ASRGL1: variants seen among roughly 807,000 people sequenced by gnomAD.
ASRGL1 encodes the protein isoaspartyl peptidase/L-asparaginase.
A neutral mutation model predicts 22.4 loss-of-function variants in ASRGL1; 16 were observed. That is an observed-to-expected ratio of 0.71 (90% confidence interval 0.48 to 1.08). ASRGL1 has a LOEUF of 1.08. Among genes scored for constraint, ASRGL1 ranks in the 50% least tolerant of loss-of-function variants. The pLI, the probability that ASRGL1 is intolerant of heterozygous loss-of-function variation, is 0.00. For missense variants in ASRGL1, 412 were observed against 410.1 expected, an observed-to-expected ratio of 1.00 and a Z score of -0.04; for synonymous variants, 165 against 159.3, an observed-to-expected ratio of 1.04 and a Z score of -0.27.
At chr11:62,399,970 C>T in the ASRGL1 span, among the ~76,000 whole-genome samples, 2 of 152,324 alleles carry the variant, frequency 1.3e-5, no homozygotes, top group African/African-American at 4.8e-5. Flanking sequence ...AATCCCACCT[C>T]CTTCCCTGAA....
chr11:62,371,335 A>T, intron 4 of ASRGL1: 1 of 1,197,650 alleles, frequency 8.3e-7, no homozygotes, highest in Non-Finnish European at 1.1e-6. Flanking sequence ...CGGCAGGGGC[A>T]AGCGCGCGGC....
chr11:62,347,561 AC>A, intron 2 of ASRGL1, among the ~76,000 whole-genome samples: 1 of 152,232 alleles, frequency 6.6e-6, no homozygotes, highest in Middle Eastern at 3.4e-3. Context: ...AAACAGGAAG[AC>A]CAAACTTTGT....
chr11:62,382,257 C>CGGA, intron 4 of ASRGL1: 1 of 151,850 alleles, frequency 6.6e-6, no homozygotes, highest in East Asian at 1.9e-4. Context: ...GCTCAGCATA[C>CGGA]GGAGGACCCC....
In ASRGL1 at chr11:62,362,813, T is replaced by TACACACACACACACACACAC. The variant is rs57501048; in HGVS notation, c.491+5681_491+5700dup. On this transcript the variant is annotated intron_variant, in intron 4 of 6. Coordinates refer to ENST00000415229, the MANE Select transcript of ASRGL1 (RefSeq NM_001083926.2). The stretch of plus-strand genomic sequence containing the variant: ...GGAGTATCTACTTGCTTATCTGACA[T>TACACACACACACACACACAC]ACACACACACACACACACACACACA... Among the ~76,000 whole-genome samples, 816 of 83,840 alleles carry TACACACACACACACACACAC rather than the reference T, an allele frequency of 9.7e-3. 20 individuals carry two copies. Among genetic ancestry groups the TACACACACACACACACACAC allele is most frequent in the Non-Finnish European group, 0.014 (639 of 45,608 alleles). The allele number at this position is 83,840 out of a possible 152,430, so 55.0% of individuals were successfully genotyped here.
chr11:62,378,679 C>G (rs868492352), intron 4 of ASRGL1, among the ~76,000 whole-genome samples: 1 of 152,134 alleles, frequency 6.6e-6, no homozygotes, highest in African/African-American at 2.4e-5. Context: ...CTTATGCCAT[C>G]TGCCGGATTT....
intron 4 of ASRGL1, chr11:62,371,797 A>C (rs941645199): frequency 4.5e-6 from 2 of 447,006 alleles, no homozygotes; most frequent in African/African-American, 4.1e-5. Flanking sequence ...CTAAAAATAC[A>C]AAAAAAATTA....
chr11:62,363,197 T>G (rs1946526482), intron 4 of ASRGL1, among the ~76,000 whole-genome samples: 1 of 151,794 alleles, frequency 6.6e-6, no homozygotes, highest in Admixed American at 6.6e-5. Flanking sequence ...CCTCCCAAAG[T>G]GCTGGGATTA....
intron 5 of ASRGL1, among the ~76,000 whole-genome samples, chr11:62,390,077 A>G (rs556807806): frequency 2.0e-5 from 3 of 152,314 alleles, no homozygotes; most frequent in South Asian, 2.1e-4. Context: ...TCTCCTTGGT[A>G]TATCACCCAA....
At chr11:62,371,326 G>A (rs934275341) in intron 4 of ASRGL1, 13 of 1,292,052 alleles carry the variant, frequency 1.0e-5, no homozygotes, top group African/African-American at 1.6e-5. Context: ...CGGGGCCCCC[G>A]GCAGGGGCAA....
intron 5 of ASRGL1, 101 bp downstream of exon 5, chr11:62,389,352 C>A: frequency 8.6e-7 from 1 of 1,159,142 alleles, no homozygotes; most frequent in South Asian, 1.2e-5. Flanking sequence ...GCTGCGTTCC[C>A]TTTCTGCTTT....
chr11:62,389,653 C>T (rs1014492799), intron 5 of ASRGL1: 2 of 341,716 alleles, frequency 5.9e-6, no homozygotes, highest in African/African-American at 2.2e-5. Flanking sequence ...TCTGAGACTG[C>T]AGTTGTTAGA....
intron 2 of ASRGL1, among the ~76,000 whole-genome samples, chr11:62,340,505 G>T (rs1028416794): frequency 2.0e-5 from 3 of 152,126 alleles, no homozygotes; most frequent in Non-Finnish European, 4.4e-5. Context: ...GGTCATTCTG[G>T]TTTCCGACCA....
At chr11:62,371,617 A>AT in intron 4 of ASRGL1, 1 of 660,960 alleles carries the variant, frequency 1.5e-6, no homozygotes, top group Non-Finnish European at 2.9e-6. Context: ...GGAGCTTTTG[A>AT]TTTTGGGGGC....
chr11:62,371,293 G>A, intron 4 of ASRGL1: 2 of 1,380,084 alleles, frequency 1.4e-6, no homozygotes, highest in South Asian at 1.4e-5. Context: ...CAGCAGCGGC[G>A]ACGAGGACGG....
chr11:62,359,210 C>T (rs1334790719), intron 4 of ASRGL1, among the ~76,000 whole-genome samples: 2 of 152,134 alleles, frequency 1.3e-5, no homozygotes, highest in African/African-American at 2.4e-5. Flanking sequence ...CTAGTGGCCA[C>T]ATCCACAGTG....
At chr11:62,352,622 C>A (rs1946194477) in intron 2 of ASRGL1, among the ~76,000 whole-genome samples, 1 of 152,062 alleles carries the variant, frequency 6.6e-6, no homozygotes, top group Non-Finnish European at 1.5e-5. Context: ...TGAAACCTAC[C>A]CCTTTTTGGC....
chr11:62,356,400 C>T lies in ASRGL1; in HGVS notation c.266C>T (p.Ala89Val), dbSNP rs1565158220. ...ASIMDGKDLS[A>V]GAVSAVQCIA... ...ATCATGGATGGAAAAGACCTGTCTGCAGGAGCAGTGTCCGCAGTCCAGTGT... is the reference window on the plus strand; with the variant it reads ...ATCATGGATGGAAAAGACCTGTCTGTAGGAGCAGTGTCCGCAGTCCAGTGT... Residue 89 changes from alanine to valine, a missense_variant, in exon 3 of 7, where the codon GCA becomes GTA. Ala to Val is a moderately conservative substitution (Grantham distance 64). Transcript: ENST00000415229. The T allele has an allele frequency of 1.2e-6, 2 of 1,614,120 alleles. No homozygotes were observed. The highest frequency in any genetic ancestry group is 1.1e-5 in the South Asian group (1 of 91,084).
At chr11:62,369,947 C>T (rs1565166617) in intron 4 of ASRGL1, among the ~76,000 whole-genome samples, 1 of 152,158 alleles carries the variant, frequency 6.6e-6, no homozygotes, top group Admixed American at 6.5e-5. Context: ...AATTTTTTAT[C>T]AATACCAGAT....
chr11:62,348,763 T>C (rs1272926569), intron 2 of ASRGL1, among the ~76,000 whole-genome samples: 1 of 151,962 alleles, frequency 6.6e-6, no homozygotes, highest in African/African-American at 2.4e-5. Context: ...CTGAATTGTT[T>C]CTGGGCGAGG....
Sources: allele counts gnomAD v4.1 joint callset (sites outside exome capture counted in the v4.1 genomes callset), GRCh38; gene constraint gnomAD v4.1.1; transcripts MANE v1.5; gene names NCBI Gene and HGNC (gene_info 2026-07-23, HGNC 2026-07-21).